The following NXPH1 variants were observed in gnomAD, a reference collection of about 807,000 sequenced individuals.
The protein encoded by NXPH1 is neurexophilin-1.
A neutral mutation model predicts 23.7 loss-of-function variants in NXPH1; 5 were observed. That is an observed-to-expected ratio of 0.21 (90% CI 0.11 to 0.44). The LOEUF is 0.44. Among genes scored for constraint, NXPH1 ranks in the 20% least tolerant of loss-of-function variants. The probability of loss-of-function intolerance (pLI) is 0.99; values close to 1 mark genes in which losing one functional copy is unlikely to be tolerated. For missense variants in NXPH1, 324 were observed against 321.6 expected, an observed-to-expected ratio of 1.01 and a Z score of -0.06; for synonymous variants, 144 against 122.2, an observed-to-expected ratio of 1.18 and a Z score of -1.18.
intron 2 of NXPH1, among the ~76,000 whole-genome samples, chr7:8,740,620 C>A (rs1780345092): frequency 6.6e-6 from 1 of 152,136 alleles, no homozygotes; most frequent in Admixed American, 6.6e-5. Context: ...TCCTTTTCTG[C>A]TTTTCCATTG....
At chr7:8,533,179 C>A (rs1817978279) in intron 2 of NXPH1, among the ~76,000 whole-genome samples, 1 of 152,122 alleles carries the variant, frequency 6.6e-6, no homozygotes. Context: ...ACTTCAAACA[C>A]CACATATTTT....
intron 2 of NXPH1, among the ~76,000 whole-genome samples, chr7:8,471,307 C>T (rs532621049): frequency 1.3e-5 from 2 of 152,244 alleles, no homozygotes; most frequent in South Asian, 4.1e-4. Flanking sequence ...TGGAATGAAC[C>T]CTCACTCTGA....
intron 2 of NXPH1, among the ~76,000 whole-genome samples, chr7:8,659,833 T>G (rs1820644040): frequency 6.6e-6 from 1 of 152,244 alleles, no homozygotes; most frequent in Admixed American, 6.5e-5. Flanking sequence ...TTGTGTACTG[T>G]GCACTTAGTC....
intron 2 of NXPH1, among the ~76,000 whole-genome samples, chr7:8,700,525 G>C (rs1156678143): frequency 6.6e-6 from 1 of 152,128 alleles, no homozygotes; most frequent in Non-Finnish European, 1.5e-5. Flanking sequence ...ATAGAGATAA[G>C]TGTCTGGGTT....
chr7:8,634,820 GCC>G (rs1423084595), intron 2 of NXPH1, among the ~76,000 whole-genome samples: 1 of 151,888 alleles, frequency 6.6e-6, no homozygotes, highest in Non-Finnish European at 1.5e-5. Flanking sequence ...ACTCCTCTCT[GCC>G]CCAAATCTCT....
At chr7:8,718,294 T>G (rs1468976199) in intron 2 of NXPH1, among the ~76,000 whole-genome samples, 2 of 152,160 alleles carry the variant, frequency 1.3e-5, no homozygotes, top group African/African-American at 4.8e-5. Context: ...TTCTGCACTC[T>G]ACTGAAGACC....
chr7:8,620,359 G>T (rs765833838), intron 2 of NXPH1, among the ~76,000 whole-genome samples: 3 of 152,160 alleles, frequency 2.0e-5, no homozygotes, highest in Non-Finnish European at 4.4e-5. Context: ...GTTCCAGGAA[G>T]CCAGCTGACA....
chr7:8,608,329 AT>A (rs34703338), intron 2 of NXPH1, among the ~76,000 whole-genome samples: 269 of 143,658 alleles, frequency 1.9e-3, no homozygotes, highest in East Asian at 3.3e-3. Flanking sequence ...AAATTCAGTG[AT>A]TTTTTTTTTT....
At chr7:8,660,381 C>A (rs10273744) in intron 2 of NXPH1, among the ~76,000 whole-genome samples, 4,484 of 152,234 alleles carry the variant, frequency 0.029, 208 homozygotes, top group African/African-American at 0.098. Flanking sequence ...ACTCTGTTAA[C>A]TTACATAAAC....
intron 2 of NXPH1, among the ~76,000 whole-genome samples, chr7:8,659,621 T>C (rs1328306663): frequency 6.6e-6 from 1 of 152,114 alleles, no homozygotes; most frequent in Non-Finnish European, 1.5e-5. Context: ...TTAGGAGATA[T>C]ACCTAATGTA....
At chr7:8,447,417 A>G (rs1447258372) in intron 2 of NXPH1, among the ~76,000 whole-genome samples, 1 of 152,182 alleles carries the variant, frequency 6.6e-6, no homozygotes. Flanking sequence ...CTTAATTGCT[A>G]TTGATGTGGA....
chr7:8,567,417 C>T (rs1000150042), intron 2 of NXPH1, among the ~76,000 whole-genome samples: 4 of 151,882 alleles, frequency 2.6e-5, no homozygotes, highest in African/African-American at 9.7e-5. Context: ...AGGCTGTGGG[C>T]AGGGCCCACA....
At chr7:8,673,539 G>A (rs1820900993) in intron 2 of NXPH1, among the ~76,000 whole-genome samples, 1 of 152,148 alleles carries the variant, frequency 6.6e-6, no homozygotes, top group Admixed American at 6.6e-5. Flanking sequence ...GCAGTGCTGG[G>A]TTTGTATTCC....
At chr7:8,641,116 T>C (rs1455640458) in intron 2 of NXPH1, among the ~76,000 whole-genome samples, 9 of 152,200 alleles carry the variant, frequency 5.9e-5, no homozygotes, top group Admixed American at 5.9e-4. Flanking sequence ...TAGTTAAGTT[T>C]TATCATATTC....
intron 2 of NXPH1, among the ~76,000 whole-genome samples, chr7:8,669,428 C>G (rs1003918754): frequency 3.3e-5 from 5 of 152,122 alleles, no homozygotes; most frequent in Admixed American, 2.6e-4. Context: ...TGGGGTTGAC[C>G]CGAATCTCAG....
chr7:8,673,264 A>G (rs1021284764), intron 2 of NXPH1, among the ~76,000 whole-genome samples: 5 of 152,206 alleles, frequency 3.3e-5, no homozygotes, highest in Non-Finnish European at 7.3e-5. Flanking sequence ...CCAAACATAA[A>G]TAAAAGCAGG....
intron 2 of NXPH1, among the ~76,000 whole-genome samples, chr7:8,715,476 G>A (rs1012150665): frequency 1.3e-5 from 2 of 152,258 alleles, no homozygotes; most frequent in Middle Eastern, 3.4e-3. Context: ...ACAATTGGGT[G>A]TCAGGAGGAG....
chr7:8,651,269 A>G (rs1158492369), intron 2 of NXPH1, among the ~76,000 whole-genome samples: 1 of 114,946 alleles, frequency 8.7e-6, no homozygotes, highest in African/African-American at 3.0e-5. Flanking sequence ...ATGATTTCCA[A>G]TTTCATCCAT....
At chr7:8,574,889 A>T (rs1818723115) in intron 2 of NXPH1, among the ~76,000 whole-genome samples, 1 of 152,184 alleles carries the variant, frequency 6.6e-6, no homozygotes, top group South Asian at 2.1e-4. Flanking sequence ...AAGACTTTAA[A>T]AAATAGGGAT....
Sources: allele counts gnomAD v4.1 joint callset (sites outside exome capture counted in the v4.1 genomes callset), GRCh38; gene constraint gnomAD v4.1.1; transcripts MANE v1.5; gene names NCBI Gene and HGNC (gene_info 2026-07-23, HGNC 2026-07-21).